The following ING5 variants were observed in gnomAD, a reference collection of about 807,000 sequenced individuals.
ING5 encodes inhibitor of growth protein 5.
Under a neutral mutation model 37.4 loss-of-function variants are expected in ING5, and 17 were observed. The ratio of observed to expected loss-of-function variants is 0.45; its 90% CI spans 0.31 to 0.68. The LOEUF (loss-of-function observed/expected upper bound fraction) is 0.68. ING5 is among the 30% of genes least tolerant of loss of function. The pLI is 0.05. For synonymous variants in ING5, 123 were observed against 116.6 expected (o/e 1.06, Z -0.36); for missense variants, 233 against 311.9 (o/e 0.75, Z 1.91).
chr2:241,726,864 G>T lies in ING5; in HGVS notation c.*1833G>T, dbSNP rs1002782799. On this transcript the variant is annotated 3_prime_UTR_variant, in exon 8 of 8. Transcript: ENST00000313552. ...GGCTGGAGAGCAGTGGCGTGATCTC[G>T]GCTCACTGCAAGCTCCGCCTCCCGG... 1 of 152,068 alleles carries T rather than the reference G, an allele frequency of 6.6e-6. No homozygotes were observed. Among genetic ancestry groups the T allele is most frequent in the Non-Finnish European group, 1.5e-5 (1 of 68,034 alleles). 9.4% of individuals were successfully genotyped at this position (152,068 alleles called of 1,614,324 possible).
intron 5 of ING5, chr2:241,722,369 G>A (rs1461942638): frequency 6.1e-5 from 60 of 985,252 alleles, no homozygotes; most frequent in Non-Finnish European, 7.0e-5. Flanking sequence ...ACCGAGATGA[G>A]AGTGGACTCG....
chr2:241,720,547 G>A, intron 5 of ING5: 1 of 988,780 alleles, frequency 1.0e-6, no homozygotes, highest in Non-Finnish European at 1.2e-6. Flanking sequence ...CAGAACCTGT[G>A]TGTGTGGATG....
upstream of ING5, among the ~76,000 whole-genome samples, chr2:241,699,345 A>G (rs892179947): frequency 1.3e-5 from 2 of 152,070 alleles, no homozygotes; most frequent in Non-Finnish European, 2.9e-5. Flanking sequence ...TAATGAACAT[A>G]ATAGTGGCAA....
chr2:241,709,343 T>G lies in ING5; in HGVS notation c.237T>G (p.Ser79Arg). The change falls in exon 3 of 8, where the codon AGT (serine) becomes AGG (arginine). Residue 79 changes from serine to arginine, a missense_variant. Ser to Arg is a moderately radical substitution (Grantham distance 110, BLOSUM62 -1). This residue lies in a region of ING5 where 19 missense variants were observed against 45.8 expected (regional missense o/e 0.41). Transcript: ENST00000313552. ...QNAYSKCKEY[S>R]DDKVQLAMQT... Reference sequence around the variant, plus strand: ...CCTACAGCAAGTGCAAGGAATACAGTGACGACAAAGTGCAGCTGGCCATGC... The same window carrying G: ...CCTACAGCAAGTGCAAGGAATACAGGGACGACAAAGTGCAGCTGGCCATGC... 6.2e-7 allele frequency: 1 copy of G among 1,613,666 alleles called. No homozygotes were observed. Among genetic ancestry groups the G allele is most frequent in the South Asian group, 1.1e-5 (1 of 91,036 alleles).
At position 241,725,008 on chromosome 2, in the gene ING5, C is replaced by CA; in HGVS notation, c.701dup (p.Glu235GlyfsTer42). 1 of 1,614,082 alleles carries CA rather than the reference C, an allele frequency of 6.2e-7. No homozygotes were observed. Among genetic ancestry groups the CA allele is most frequent in the Non-Finnish European group, 8.5e-7 (1 of 1,179,956 alleles). ...TCACAGGTTCTGTCCACGGTGTGTC[C>CA]AGGAAAAGAGGAAGAAGAAGTAGGA... On this transcript the variant is annotated frameshift_variant, in exon 8 of 8. Transcript: ENST00000313552. LOFTEE classifies it high-confidence loss of function.
At chr2:241,711,922 C>T (rs2070123189) in intron 4 of ING5, 56 bp from the exon 5 acceptor site, 2 of 1,456,762 alleles carry the variant, frequency 1.4e-6, no homozygotes, top group African/African-American at 1.4e-5. Context: ...AAACACAAAA[C>T]TTGCCTTGCT....
At chr2:241,698,350 C>T (rs569103690), upstream of ING5, among the ~76,000 whole-genome samples, 2 of 151,090 alleles carry the variant, frequency 1.3e-5, no homozygotes, top group African/African-American at 2.4e-5. Flanking sequence ...GAGGCTGAGG[C>T]GGGAGAATGG....
upstream of ING5, chr2:241,687,020 G>T: frequency 5.3e-6 from 3 of 571,032 alleles, no homozygotes; most frequent in Non-Finnish European, 8.0e-6. Context: ...CTGGGGCCCC[G>T]TGTCCCGTGC....
Position 241,702,042 on chromosome 2 carries a change from C to A in ING5, c.-24C>A, listed in dbSNP as rs1437348962. On this transcript the variant is annotated 5_prime_UTR_variant, in exon 1 of 8. Transcript: ENST00000313552. ...CCGCGGCACCGCCCGCCCGCGCAGA[C>A]CCCGAGCGCGGCCGCGGACGAAGAT... is the stretch of plus-strand genomic sequence containing the variant. The A allele has an allele frequency of 7.3e-6, 10 of 1,379,214 alleles. No homozygotes were observed. The South Asian group carries it at 7.5e-5, about 10-fold the overall frequency. The allele number at this position is 1,379,214 out of a possible 1,614,324, so 85.4% of individuals were successfully genotyped here. A position where few individuals can be genotyped will look rare whatever the true frequency, so the allele number is the denominator to read the frequency against.
chr2:241,702,379 C>T (rs867724016), intron 1 of ING5, among the ~76,000 whole-genome samples: 2 of 150,196 alleles, frequency 1.3e-5, no homozygotes, highest in Middle Eastern at 3.5e-3. Flanking sequence ...GGCTTGCGGC[C>T]TCGACCCCGC....
rs537100441 is a variant in ING5 at position 241,705,027 on chromosome 2, G to T, written c.109+303G>T. On this transcript the variant is annotated intron_variant, in intron 2 of 7. Transcript: ENST00000313552. Reference sequence around the variant, plus strand: ...TCAATTTTCAAAGTGTGTAGTGCGTGCATTGTTTTAAAAGTTTGGTAGTAC... The same window carrying T: ...TCAATTTTCAAAGTGTGTAGTGCGTTCATTGTTTTAAAAGTTTGGTAGTAC... Among the ~76,000 whole-genome samples the T allele has an allele frequency of 2.6e-5, 4 of 152,264 alleles. No individual in the cohort carries two copies. In the East Asian group the frequency reaches 7.7e-4, roughly 29 times the overall value.
chr2:241,696,513 C>T (rs1234747535), intron 2 of ING5, among the ~76,000 whole-genome samples: 11 of 151,968 alleles, frequency 7.2e-5, no homozygotes, highest in African/African-American at 2.2e-4. Context: ...GTGCTGGGTG[C>T]GGTGGCTCAT....
chr2:241,719,030 T>C (rs2070355634), intron 5 of ING5, among the ~76,000 whole-genome samples: 1 of 152,200 alleles, frequency 6.6e-6, no homozygotes, highest in Non-Finnish European at 1.5e-5. Context: ...TCCAGGCCAA[T>C]AGGGCTGGGG....
chr2:241,707,925 G>A (rs542809544), intron 2 of ING5, among the ~76,000 whole-genome samples: 2 of 151,954 alleles, frequency 1.3e-5, no homozygotes, highest in Middle Eastern at 6.8e-3. Flanking sequence ...CTGAGACGGA[G>A]TCTCGCTTTA....
rs140300790 is a variant in ING5, at chr2:241,716,252, T to C, written c.482+4181T>C. On this transcript the variant is annotated intron_variant, in intron 5 of 7. Coordinates refer to ENST00000313552, the MANE Select transcript of ING5 (RefSeq NM_032329.6). ...TCAGGTATTTTTTAGTATTCCGTTTTTTTCCCCACTCTTGTCTTATTAGCC... is the reference window on the plus strand; with the variant it reads ...TCAGGTATTTTTTAGTATTCCGTTTCTTTCCCCACTCTTGTCTTATTAGCC... 5.8e-3 allele frequency among the ~76,000 whole-genome samples: 884 copies of C among 151,968 alleles called. 12 individuals carry two copies. The highest frequency in any genetic ancestry group is 0.021 in the African/African-American group (858 of 41,410).
rs1012039949 is a variant in ING5 at position 241,728,801 on chromosome 2, G to A, written c.*3770G>A. 5 of 152,342 alleles carry A rather than the reference G, an allele frequency of 3.3e-5. No individual in the cohort carries two copies. The highest frequency in any genetic ancestry group is 7.2e-5 in the African/African-American group (3 of 41,470). The allele number at this position is 152,342 out of a possible 1,614,324, so 9.4% of individuals were successfully genotyped here. A position where few individuals can be genotyped will look rare whatever the true frequency, so the allele number is the denominator to read the frequency against. On this transcript the variant is annotated 3_prime_UTR_variant, in exon 8 of 8. Transcript: ENST00000313552. ...ACCGCCCGTCTCACTGTTGGCCAGG[G>A]CTTTGTGGCGTGGGTGTTTTCCAGT... is the stretch of plus-strand genomic sequence containing the variant.
upstream of ING5, among the ~76,000 whole-genome samples, chr2:241,697,619 ATTC>A (rs1005115503): frequency 3.3e-5 from 5 of 152,126 alleles, no homozygotes; most frequent in Non-Finnish European, 7.3e-5. Context: ...ATTACATGAC[ATTC>A]TGGAAAAAGC....
intron 1 of ING5, 62 bp from the exon 2 acceptor site, chr2:241,704,591 T>G: frequency 1.5e-6 from 2 of 1,321,978 alleles, no homozygotes; most frequent in Non-Finnish European, 2.2e-6. Context: ...CAGAAAACCT[T>G]TGGAGGTGAA....
chr2:241,721,173 G>T (rs1277517164), intron 5 of ING5: 1 of 985,484 alleles, frequency 1.0e-6, no homozygotes, highest in Non-Finnish European at 1.2e-6. Context: ...GACTCGAGGA[G>T]ACCGCAGGAG....
Sources: gnomAD v4.1 joint callset for allele counts (sites outside exome capture counted in the v4.1 genomes callset) on GRCh38, gnomAD v4.1.1 for gene constraint, gnomAD v4.1.1 regional missense constraint, MANE v1.5 for transcripts, NCBI Gene and HGNC (gene_info 2026-07-23, HGNC 2026-07-21) for gene names.